MCTP1: variants seen among roughly 807,000 people sequenced by gnomAD.
MCTP1 encodes the protein multiple C2 and transmembrane domain containing 1.
MCTP1 carries 69 observed loss-of-function variants against 120.6 expected under a neutral mutation model. That is an observed-to-expected ratio of 0.57 (90% CI 0.47 to 0.70). The LOEUF is 0.70. Among genes scored for constraint, MCTP1 ranks in the 30% least tolerant of loss-of-function variants. MCTP1 has a pLI of 0.00. For synonymous variants in MCTP1, 529 were observed against 493.1 expected (o/e 1.07, Z -0.96); for missense variants, 1,203 against 1,248.8 (o/e 0.96, Z 0.55).
At chr5:95,052,807 G>A (rs7728007) in intron 1 of MCTP1, among the ~76,000 whole-genome samples, 103,664 of 152,142 alleles carry the variant, frequency 0.68, 38,342 homozygotes, top group Non-Finnish European at 0.85. Flanking sequence ...TTTTCTAAAC[G>A]TTTAAATTTC....
intron 17 of MCTP1, chr5:94,826,157 T>G (rs1787022992): frequency 2.7e-6 from 1 of 372,074 alleles, no homozygotes; most frequent in Non-Finnish European, 5.2e-6. Context: ...GATGCCATAT[T>G]TACCAAGAGA....
chr5:95,197,400 A>C (rs1373910753), intron 1 of MCTP1, among the ~76,000 whole-genome samples: 4 of 152,186 alleles, frequency 2.6e-5, no homozygotes, highest in African/African-American at 9.6e-5. Context: ...GGGCATGATG[A>C]AGCATGTACA....
chr5:94,706,444 ATTTT>A lies in MCTP1; in HGVS notation c.*1048_*1051del, dbSNP rs78371824. ...AGGTTTTCATGCATAATCAAGAATG[ATTTT>A]TTTTAATAAATGAATGTAGTGAAAC... On this transcript the variant is annotated 3_prime_UTR_variant, in exon 23 of 23. Transcript: ENST00000515393. 1.3e-5 allele frequency: 2 copies of A among 151,278 alleles called. No homozygotes were observed. The highest frequency in any genetic ancestry group is 3.0e-5 in the Non-Finnish European group (2 of 67,662). 9.4% of individuals were successfully genotyped at this position (151,278 alleles called of 1,614,324 possible). A position where few individuals can be genotyped will look rare whatever the true frequency, so the allele number is the denominator to read the frequency against.
At chr5:94,979,718 G>C (rs1828977171) in intron 2 of MCTP1, 1 of 151,894 alleles carries the variant, frequency 6.6e-6, no homozygotes, top group Non-Finnish European at 1.5e-5. Flanking sequence ...AGTAACACTA[G>C]ATAGAAAAAA....
chr5:94,791,247 G>T (rs557459235), intron 18 of MCTP1, among the ~76,000 whole-genome samples: 3 of 151,090 alleles, frequency 2.0e-5, no homozygotes, highest in Admixed American at 6.6e-5. Flanking sequence ...GCAGTGAGCC[G>T]AGATCACACC....
intron 1 of MCTP1, among the ~76,000 whole-genome samples, chr5:95,110,534 TA>T (rs1248219527): frequency 6.6e-6 from 1 of 152,152 alleles, no homozygotes; most frequent in Non-Finnish European, 1.5e-5. Flanking sequence ...TGAGTTAAAA[TA>T]AACCTTTATT....
chr5:94,773,119 C>T (rs147603640), intron 19 of MCTP1, among the ~76,000 whole-genome samples: 4 of 152,228 alleles, frequency 2.6e-5, no homozygotes, highest in African/African-American at 7.2e-5. Context: ...ATGGATCCTT[C>T]CCTGATTTTT....
intron 21 of MCTP1, 172 bp downstream of exon 21, chr5:94,710,643 AGGT>A: frequency 1.9e-6 from 1 of 523,836 alleles, no homozygotes; most frequent in Non-Finnish European, 3.4e-6. Context: ...TACATTTTGC[AGGT>A]GGACCTAAAT....
chr5:95,105,372 T>G (rs750061592), intron 1 of MCTP1, among the ~76,000 whole-genome samples: 1 of 152,172 alleles, frequency 6.6e-6, no homozygotes, highest in Non-Finnish European at 1.5e-5. Flanking sequence ...CAGAATAGTG[T>G]TAACTTAGAA....
chr5:95,245,419 A>G (rs185804881), intron 1 of MCTP1, among the ~76,000 whole-genome samples: 134 of 152,316 alleles, frequency 8.8e-4, no homozygotes, highest in African/African-American at 3.1e-3. Context: ...CAAGGAAACT[A>G]AAAACCTTGA....
intron 1 of MCTP1, among the ~76,000 whole-genome samples, chr5:95,050,474 G>A (rs1041995060): frequency 3.3e-5 from 5 of 152,134 alleles, no homozygotes; most frequent in East Asian, 1.9e-4. Context: ...TGAAGCCATC[G>A]GACATCACCA....
At chr5:95,252,791 C>T (rs1001970638) in intron 1 of MCTP1, among the ~76,000 whole-genome samples, 5 of 152,034 alleles carry the variant, frequency 3.3e-5, no homozygotes, top group African/African-American at 9.7e-5. Flanking sequence ...TCTTAATTCT[C>T]ATTTTTTCTG....
chr5:94,894,617 T>A, intron 11 of MCTP1, 32 bp downstream of exon 11: 1 of 1,479,250 alleles, frequency 6.8e-7, no homozygotes, highest in Non-Finnish European at 9.2e-7. Flanking sequence ...TAGTCACATG[T>A]GTCTCTGGAA....
intron 1 of MCTP1, among the ~76,000 whole-genome samples, chr5:95,200,047 G>A (rs181794560): frequency 6.6e-6 from 1 of 151,818 alleles, no homozygotes; most frequent in Non-Finnish European, 1.5e-5. Context: ...TGCAATCGCA[G>A]CTACTTGGGA....
chr5:94,931,952 C>A lies in MCTP1; in HGVS notation c.1212+1G>T, dbSNP rs766860456. 2 of 1,601,298 alleles carry A rather than the reference C, an allele frequency of 1.2e-6. No individual in the cohort carries two copies. The highest frequency in any genetic ancestry group is 2.2e-5 in the South Asian group (2 of 90,564). Reference sequence around the variant, plus strand: ...CTGAAAGATCACAAGCTAAGAATTACCTTACTTGATCTTTTCCAACTCTTC... The same window carrying A: ...CTGAAAGATCACAAGCTAAGAATTAACTTACTTGATCTTTTCCAACTCTTC... On this transcript the variant is annotated splice_donor_variant, in intron 6 of 22. Transcript: ENST00000515393. LOFTEE classifies it high-confidence loss of function.
At chr5:95,133,189 C>T (rs891079898) in intron 1 of MCTP1, among the ~76,000 whole-genome samples, 3 of 152,180 alleles carry the variant, frequency 2.0e-5, no homozygotes, top group Non-Finnish European at 2.9e-5. Flanking sequence ...TTTTGTAAAA[C>T]CATACAGTAG....
chr5:94,751,305 G>A (rs1394348188), intron 19 of MCTP1, among the ~76,000 whole-genome samples: 1 of 151,792 alleles, frequency 6.6e-6, no homozygotes, highest in Admixed American at 6.6e-5. Context: ...GCAAATTATA[G>A]TTTTTAGTTC....
At chr5:95,194,203 G>A (rs1016463322) in intron 1 of MCTP1, among the ~76,000 whole-genome samples, 1 of 151,858 alleles carries the variant, frequency 6.6e-6, no homozygotes, top group Admixed American at 6.6e-5. Flanking sequence ...GTGAGACACT[G>A]TCTGAAAAGA....
intron 1 of MCTP1, among the ~76,000 whole-genome samples, chr5:95,195,421 G>A (rs751311930): frequency 1.1e-3 from 160 of 152,314 alleles, no homozygotes; most frequent in East Asian, 5.8e-4. Context: ...TACTGTGACA[G>A]ACAAGGAGAT....
Sources: allele counts gnomAD v4.1 joint callset (sites outside exome capture counted in the v4.1 genomes callset), GRCh38; gene constraint gnomAD v4.1.1; transcripts MANE v1.5; gene names NCBI Gene and HGNC (gene_info 2026-07-23, HGNC 2026-07-21).